CELF4: variants seen among roughly 807,000 people sequenced by gnomAD.
CELF4 encodes the protein CUG-BP- and ETR-3-like factor 4.
In CELF4, 18 loss-of-function variants were observed where a neutral mutation model predicts 59.9. That is an observed-to-expected ratio of 0.30 (90% CI 0.21 to 0.45). The LOEUF (loss-of-function observed/expected upper bound fraction) is 0.45, where lower values mean the gene tolerates loss of function less well. Among genes scored for constraint, CELF4 ranks in the 20% least tolerant of loss-of-function variants. CELF4 has a pLI of 1.00. For missense variants in CELF4, 456 were observed against 689.0 expected, an observed-to-expected ratio of 0.66 and a Z score of 3.79; for synonymous variants, 261 against 267.1, an observed-to-expected ratio of 0.98 and a Z score of 0.22.
chr18:37,308,432 TCC>T (rs1007205868), intron 3 of CELF4, among the ~76,000 whole-genome samples: 68 of 152,296 alleles, frequency 4.5e-4, no homozygotes, highest in African/African-American at 1.6e-3. Flanking sequence ...CAGAGACCCT[TCC>T]CTGACTGCTC....
At chr18:37,323,087 G>A (rs1196168070) in intron 2 of CELF4, among the ~76,000 whole-genome samples, 1 of 152,174 alleles carries the variant, frequency 6.6e-6, no homozygotes, top group Admixed American at 6.5e-5. Flanking sequence ...GACTCGAAGT[G>A]AGTTTTGGCT....
intron 3 of CELF4, among the ~76,000 whole-genome samples, chr18:37,277,182 TG>T (rs2093434771): frequency 6.9e-6 from 1 of 145,416 alleles, no homozygotes; most frequent in South Asian, 2.1e-4. Context: ...CAGTTCTCAA[TG>T]ATGATGTGGT....
intron 1 of CELF4, among the ~76,000 whole-genome samples, chr18:37,494,772 G>A (rs1043374058): frequency 5.9e-5 from 9 of 152,174 alleles, no homozygotes; most frequent in Admixed American, 2.0e-4. Context: ...AGGAGCCCTA[G>A]GCAGTGTCTG....
intron 2 of CELF4, among the ~76,000 whole-genome samples, chr18:37,322,912 A>G (rs2097173779): frequency 6.6e-6 from 1 of 152,166 alleles, no homozygotes; most frequent in African/African-American, 2.4e-5. Context: ...AGAGGCATTC[A>G]GGTGCTTCCC....
chr18:37,350,781 C>T (rs1255514428), intron 2 of CELF4, among the ~76,000 whole-genome samples: 1 of 152,240 alleles, frequency 6.6e-6, no homozygotes, highest in Non-Finnish European at 1.5e-5. Context: ...ACAGGCTTAT[C>T]TCACTTAAGA....
At chr18:37,451,260 G>A (rs986589670) in intron 2 of CELF4, among the ~76,000 whole-genome samples, 2 of 152,188 alleles carry the variant, frequency 1.3e-5, no homozygotes, top group African/African-American at 4.8e-5. Flanking sequence ...ATGTGAGCCT[G>A]ATAAGGGAGG....
intron 3 of CELF4, among the ~76,000 whole-genome samples, chr18:37,310,289 T>C (rs1418781736): frequency 6.6e-6 from 1 of 152,134 alleles, no homozygotes; most frequent in Non-Finnish European, 1.5e-5. Flanking sequence ...GCCAGGTCCC[T>C]GCTCCCCGCC....
intron 1 of CELF4, among the ~76,000 whole-genome samples, chr18:37,545,568 T>C (rs974331529): frequency 2.0e-5 from 3 of 152,104 alleles, no homozygotes; most frequent in Non-Finnish European, 4.4e-5. Context: ...CCAGACAGCA[T>C]CTCCCTGGGC....
chr18:37,275,287 C>G, intron 3 of CELF4, 44 bp from the exon 4 acceptor site: 4 of 1,592,482 alleles, frequency 2.5e-6, no homozygotes, highest in Non-Finnish European at 3.4e-6. Context: ...AGGGACCGGG[C>G]TGCGCGGGAG....
At chr18:37,458,026 G>A (rs924441370) in intron 2 of CELF4, among the ~76,000 whole-genome samples, 3 of 152,164 alleles carry the variant, frequency 2.0e-5, no homozygotes, top group African/African-American at 7.2e-5. Context: ...TGGTGATTTC[G>A]TTCCAATAAG....
intron 1 of CELF4, among the ~76,000 whole-genome samples, chr18:37,553,897 T>A (rs933567726): frequency 2.0e-5 from 3 of 152,120 alleles, no homozygotes; most frequent in Non-Finnish European, 4.4e-5. Context: ...GTGTAAGAAG[T>A]TCTTCGTCTC....
At chr18:37,329,326 C>T (rs1047283493) in intron 2 of CELF4, among the ~76,000 whole-genome samples, 5 of 152,214 alleles carry the variant, frequency 3.3e-5, no homozygotes, top group Admixed American at 1.3e-4. Flanking sequence ...TGAGGACTGC[C>T]GGGGTCCCTT....
chr18:37,370,482 C>A (rs1033203928), intron 2 of CELF4, among the ~76,000 whole-genome samples: 2 of 152,184 alleles, frequency 1.3e-5, no homozygotes, highest in African/African-American at 4.8e-5. Context: ...TTGAGGCCAT[C>A]CAGCCTCCCT....
intron 3 of CELF4, among the ~76,000 whole-genome samples, chr18:37,308,741 T>A (rs959634537): frequency 1.3e-5 from 2 of 148,742 alleles, no homozygotes; most frequent in African/African-American, 4.9e-5. Context: ...GGATTTGGTG[T>A]CTAGGACGTT....
intron 2 of CELF4, among the ~76,000 whole-genome samples, chr18:37,453,947 C>G (rs780114196): frequency 6.6e-6 from 1 of 152,134 alleles, no homozygotes; most frequent in Non-Finnish European, 1.5e-5. Context: ...CCTCCACCCC[C>G]GTCCTGTTTG....
chr18:37,265,188 C>G (rs2076926914), intron 9 of CELF4, among the ~76,000 whole-genome samples: 1 of 148,400 alleles, frequency 6.7e-6, no homozygotes, highest in African/African-American at 2.5e-5. Flanking sequence ...TACATGTGTA[C>G]ATGCACGTGT....
At position 37,409,924 on chromosome 18, in the gene CELF4, C is replaced by T. The variant is rs59924333; in HGVS notation, c.369+75601G>A. 4.0e-4 allele frequency among the ~76,000 whole-genome samples: 61 copies of T among 152,332 alleles called. 1 individual carries two copies. Among genetic ancestry groups the T allele is most frequent in the African/African-American group, 1.4e-3 (57 of 41,580 alleles). ...ACAAAGTGACCCTTCACATGCAGCG[C>T]CTCAGGGCCAGGCACACCCACTGGG... On this transcript the variant is annotated intron_variant, in intron 2 of 12. Coordinates refer to ENST00000420428, the MANE Select transcript of CELF4 (RefSeq NM_020180.4).
At chr18:37,266,721 G>C in intron 8 of CELF4, 123 bp from the exon 9 acceptor site, 1 of 863,046 alleles carries the variant, frequency 1.2e-6, no homozygotes, top group Non-Finnish European at 1.8e-6. Context: ...GTGCCCTGGG[G>C]CAGGGCATCC....
chr18:37,318,373 T>C (rs2096944176), intron 3 of CELF4, among the ~76,000 whole-genome samples: 1 of 151,642 alleles, frequency 6.6e-6, no homozygotes, highest in East Asian at 1.9e-4. Flanking sequence ...TCATGCCACC[T>C]CCTCCACCCC....
Sources: allele counts gnomAD v4.1 joint callset (sites outside exome capture counted in the v4.1 genomes callset), GRCh38; gene constraint gnomAD v4.1.1; transcripts MANE v1.5; gene names NCBI Gene and HGNC (gene_info 2026-07-23, HGNC 2026-07-21).